SLC12A6: variants seen among roughly 807,000 people sequenced by gnomAD.
SLC12A6 encodes the protein K-Cl cotransporter 3.
SLC12A6 carries 66 observed loss-of-function variants against 135.3 expected under a neutral mutation model. The observed-to-expected ratio is 0.49, with a 90% CI of 0.40 to 0.60. The LOEUF (loss-of-function observed/expected upper bound fraction) is 0.60. SLC12A6 is among the 20% of genes least tolerant of loss of function. The pLI is 0.00. For missense variants in SLC12A6, 1,058 were observed against 1,452.3 expected (o/e 0.73, Z 4.41); for synonymous variants, 513 against 508.8 (o/e 1.01, Z -0.11).
intron 19 of SLC12A6, among the ~76,000 whole-genome samples, chr15:34,240,098 C>G (rs74665959): frequency 6.6e-6 from 1 of 151,952 alleles, no homozygotes; most frequent in Middle Eastern, 3.4e-3. Flanking sequence ...ATCCTTCCCC[C>G]CTCCCCCCAC....
intron 3 of SLC12A6, among the ~76,000 whole-genome samples, chr15:34,269,546 G>A (rs114485088): frequency 0.022 from 3,422 of 152,196 alleles, 130 homozygotes; most frequent in African/African-American, 0.078. Context: ...CACAGGTTTG[G>A]GTTTGTACTA....
chr15:34,243,993 G>A lies in SLC12A6; in HGVS notation c.2023C>T (p.Arg675Ter), dbSNP rs121908428. The A allele has an allele frequency of 2.5e-6, 4 of 1,595,076 alleles. No homozygotes were observed. The highest frequency in any genetic ancestry group is 3.4e-6 in the Non-Finnish European group (4 of 1,162,576). The change falls in exon 16 of 26, where the codon CGA becomes TGA. Residue 675 changes from arginine to a stop codon, truncating the protein, a stop_gained. Transcript: ENST00000354181. LOFTEE classifies it high-confidence loss of function. ...ACTTACCAATGGTAGTAGCGGAATC[G>A]GGGTCTCCAGTTGGGTGTTCGAAGT... ...TLLRTPNWRP[R>*]FRYYHWALSF...
chr15:34,315,834 C>A (rs1183862747), intron 2 of SLC12A6, among the ~76,000 whole-genome samples: 1 of 151,854 alleles, frequency 6.6e-6, no homozygotes, highest in East Asian at 1.9e-4. Context: ...AAAAAATTAG[C>A]CAGGTGTGGT....
intron 2 of SLC12A6, among the ~76,000 whole-genome samples, chr15:34,328,328 G>A (rs1194959280): frequency 6.6e-6 from 1 of 152,140 alleles, no homozygotes; most frequent in Non-Finnish European, 1.5e-5. Context: ...ATACTGACTT[G>A]ATTCTGAAAT....
In SLC12A6 at chr15:34,233,519, T is replaced by C. The variant is rs1382353180; in HGVS notation, c.*362A>G. On this transcript the variant is annotated 3_prime_UTR_variant, in exon 26 of 26. Coordinates refer to ENST00000354181, the MANE Select transcript of SLC12A6 (RefSeq NM_001365088.1). ...GAACCATGACTTCTGAGATTCATCTTTAATGCTGAATACGTACTTGACTTG... is the reference window on the plus strand; with the variant it reads ...GAACCATGACTTCTGAGATTCATCTCTAATGCTGAATACGTACTTGACTTG... 3.9e-6 allele frequency: 1 copy of C among 255,140 alleles called. No individual in the cohort carries two copies. Among genetic ancestry groups the C allele is most frequent in the Admixed American group, 4.9e-5 (1 of 20,522 alleles). The allele number at this position is 255,140 out of a possible 1,614,324, so 15.8% of individuals were successfully genotyped here. A position where few individuals can be genotyped will look rare whatever the true frequency, so the allele number is the denominator to read the frequency against.
In SLC12A6 at chr15:34,252,335, A is replaced by G; in HGVS notation, c.1168T>C (p.Cys390Arg). The change falls in exon 10 of 26, where the codon TGC (cysteine) becomes CGC (arginine). Residue 390 changes from cysteine to arginine, a missense_variant. This residue lies in a region of SLC12A6 where 297 missense variants were observed against 318.5 expected (regional missense o/e 0.93). Transcript: ENST00000354181. ...TTGTTAATTTCCTTGGTCTTAGAGC[A>G]AACGTCAATGTGTCTTGATGAAAGG... ...RTLSSRHIDV[C>R]SKTKEINNMT... is the part of the protein sequence containing the mutation. 6.2e-7 allele frequency: 1 copy of G among 1,613,490 alleles called. No individual in the cohort carries two copies. Among genetic ancestry groups the G allele is most frequent in the South Asian group, 1.1e-5 (1 of 91,058 alleles).
intron 2 of SLC12A6, among the ~76,000 whole-genome samples, chr15:34,303,087 G>C (rs1418347078): frequency 6.6e-6 from 1 of 151,580 alleles, no homozygotes; most frequent in Non-Finnish European, 1.5e-5. Context: ...AAATAAACAT[G>C]ACCATAAGAG....
chr15:34,242,298 A>G (rs191140140), intron 16 of SLC12A6, 77 bp from the exon 17 acceptor site: 1 of 1,018,854 alleles, frequency 9.8e-7, no homozygotes, highest in Non-Finnish European at 1.5e-6. Context: ...TTCTCAAACT[A>G]TCTGTGGTGA....
At chr15:34,278,662 T>G (rs1187668315) in intron 2 of SLC12A6, among the ~76,000 whole-genome samples, 1 of 151,768 alleles carries the variant, frequency 6.6e-6, no homozygotes. Context: ...ACCTCCACCT[T>G]CCAGGTTCAA....
chr15:34,236,045 TC>T lies in SLC12A6; in HGVS notation c.3196del (p.Glu1066LysfsTer16). 6.2e-7 allele frequency: 1 copy of T among 1,614,072 alleles called. No individual in the cohort carries two copies. The highest frequency in any genetic ancestry group is 1.3e-5 in the African/African-American group (1 of 75,034). On this transcript the variant is annotated frameshift_variant, in exon 24 of 26. Coordinates refer to ENST00000354181, the MANE Select transcript of SLC12A6 (RefSeq NM_001365088.1). LOFTEE classifies it high-confidence loss of function. The part of the protein sequence containing the change: ...ASRGQKAKSM[E>X]GFQDLLNMRP... Reference sequence around the variant, plus strand: ...CATGTTAAGCAGGTCCTGGAATCCTTCCATTGACTTCGCTTTTTGTCCCCGG... The same window carrying T: ...CATGTTAAGCAGGTCCTGGAATCCTTCATTGACTTCGCTTTTTGTCCCCGG...
intron 2 of SLC12A6, among the ~76,000 whole-genome samples, chr15:34,329,808 G>C (rs1889716398): frequency 6.6e-6 from 1 of 152,136 alleles, no homozygotes; most frequent in Non-Finnish European, 1.5e-5. Flanking sequence ...TTGAGCTCAG[G>C]AGTTCCCAGA....
intron 2 of SLC12A6, among the ~76,000 whole-genome samples, chr15:34,311,991 C>T (rs1888292049): frequency 6.6e-6 from 1 of 152,140 alleles, no homozygotes; most frequent in Non-Finnish European, 1.5e-5. Flanking sequence ...TATTAGACCA[C>T]TAAAAGTAGT....
intron 2 of SLC12A6, among the ~76,000 whole-genome samples, chr15:34,295,957 G>A (rs1367378038): frequency 6.6e-6 from 1 of 152,114 alleles, no homozygotes; most frequent in Non-Finnish European, 1.5e-5. Context: ...CTGAGATCAC[G>A]CCATTGTACT....
intron 3 of SLC12A6, among the ~76,000 whole-genome samples, chr15:34,271,310 C>T (rs185654846): frequency 1.1e-3 from 161 of 151,406 alleles, no homozygotes; most frequent in African/African-American, 3.5e-3. Flanking sequence ...ATATGTTGCC[C>T]GATTCAGATT....
intron 2 of SLC12A6, among the ~76,000 whole-genome samples, chr15:34,291,789 G>C (rs1358947223): frequency 6.6e-6 from 1 of 151,760 alleles, no homozygotes; most frequent in Non-Finnish European, 1.5e-5. Context: ...ATTGAAGCTT[G>C]TGTATGCTTC....
chr15:34,246,556 T>G (rs1318987256), intron 13 of SLC12A6, among the ~76,000 whole-genome samples: 2 of 152,230 alleles, frequency 1.3e-5, no homozygotes, highest in African/African-American at 4.8e-5. Flanking sequence ...TTATCCATTC[T>G]TCTAGTGTTG....
intron 1 of SLC12A6, chr15:34,337,046 T>TC (rs1200607621): frequency 3.0e-6 from 1 of 336,680 alleles, no homozygotes; most frequent in Non-Finnish European, 5.6e-6. Context: ...AGATGAAGCC[T>TC]CCCTCCCCTC....
chr15:34,279,245 C>T (rs1428408261), intron 2 of SLC12A6, among the ~76,000 whole-genome samples: 3 of 151,750 alleles, frequency 2.0e-5, no homozygotes, highest in African/African-American at 4.8e-5. Context: ...ACCTGGGAGG[C>T]GGAGGTTGCA....
intron 5 of SLC12A6, among the ~76,000 whole-genome samples, chr15:34,258,498 C>T (rs561734973): frequency 6.6e-6 from 1 of 152,314 alleles, no homozygotes; most frequent in African/African-American, 2.4e-5. Context: ...ATGTAAGTAG[C>T]AACGCCCTCC....
Sources: allele counts gnomAD v4.1 joint callset (sites outside exome capture counted in the v4.1 genomes callset), GRCh38; gene constraint gnomAD v4.1.1; regional missense constraint gnomAD v4.1.1; transcripts MANE v1.5; gene names NCBI Gene and HGNC (gene_info 2026-07-23, HGNC 2026-07-21).